The following FN1 variants were observed in gnomAD, a reference collection of about 807,000 sequenced individuals.
FN1 encodes fibronectin.
Under a neutral mutation model 297.3 loss-of-function variants are expected in FN1, and 106 were observed. The observed-to-expected ratio is 0.36, with a 90% CI of 0.30 to 0.42. The LOEUF is 0.42. Ranked by LOEUF, FN1 falls within the 10% of genes least tolerant of loss-of-function variation. The probability of loss-of-function intolerance (pLI) is 1.00; values close to 1 mark genes in which losing one functional copy is unlikely to be tolerated. For missense variants in FN1, 2,690 were observed against 3,124.9 expected (o/e 0.86, Z 3.32); for synonymous variants, 1,149 against 1,152.6 (o/e 1.00, Z 0.06).
In FN1 at chr2:215,386,826, G is replaced by A; in HGVS notation, c.4475C>T (p.Pro1492Leu). ...AGAGTGGGGCACCCGATCTTCTCGA[G>A]GTCTCCCACTGAAGTGCTCGGGATG... ...RHHPEHFSGR[P>L]REDRVPHSRN... The change falls in exon 28 of 46, where the codon CCT (proline) becomes CTT (leucine). Residue 1492 changes from proline to leucine, a missense_variant. Pro to Leu is a moderately conservative substitution (Grantham distance 98). Around this residue, in one of 3 missense-constraint regions of FN1, gnomAD observed 1,743 missense variants for 1,945.2 expected, o/e 0.90. Transcript: ENST00000354785. 1 of 1,614,002 alleles carries A rather than the reference G, an allele frequency of 6.2e-7. No homozygotes were observed. The highest frequency in any genetic ancestry group is 8.5e-7 in the Non-Finnish European group (1 of 1,179,988).
At chr2:215,425,471 C>T (rs2065163540) in intron 6 of FN1, among the ~76,000 whole-genome samples, 186 bp from the exon 7 acceptor site, 1 of 152,222 alleles carries the variant, frequency 6.6e-6, no homozygotes, top group Non-Finnish European at 1.5e-5. Flanking sequence ...AAATAATCCA[C>T]AAGTGTCTAC....
Position 215,397,155 on chromosome 2 carries a change from C to A in FN1, c.3586G>T (p.Glu1196Ter). 1.2e-6 allele frequency: 2 copies of A among 1,613,570 alleles called. No individual in the cohort carries two copies. Among genetic ancestry groups the A allele is most frequent in the Non-Finnish European group, 1.7e-6 (2 of 1,179,498 alleles). Residue 1196 changes from glutamate (E) to a stop codon, truncating the protein, a stop_gained, in exon 23 of 46, where the codon GAG becomes TAG. Coordinates refer to ENST00000354785, the MANE Select transcript of FN1 (RefSeq NM_212482.4). LOFTEE classifies it high-confidence loss of function. Reference protein sequence around the residue: ...PDTGVLTVSWERSTTPDITGY... With the variant: ...PDTGVLTVSW ...AACTTACCTGGGGTGGTGCTCCTCT[C>A]CCAGGAGACTGTGAGCACTCCAGTG... is the stretch of plus-strand genomic sequence containing the variant.
intron 11 of FN1, among the ~76,000 whole-genome samples, chr2:215,419,668 A>G (rs2063939644): frequency 6.6e-6 from 1 of 152,222 alleles, no homozygotes; most frequent in South Asian, 2.1e-4. Context: ...TTGATAATCT[A>G]CACATTAATT....
chr2:215,369,078 A>C (rs1366827946), intron 41 of FN1, among the ~76,000 whole-genome samples: 1 of 152,116 alleles, frequency 6.6e-6, no homozygotes, highest in African/African-American at 2.4e-5. Flanking sequence ...CCTGGTTAGA[A>C]TGTAGAATAC....
Position 215,372,095 on chromosome 2 carries a change from T to G in FN1, c.6528A>C (p.Gln2176His), listed in dbSNP as rs1261239648. ...PYPPNVGEEIQIGHIPREDVD... is the reference protein window; with the variant it reads ...PYPPNVGEEIHIGHIPREDVD... ...CATCTTCCCTGGGGATGTGACCAAT[T>G]TGGATTTCCTCACCTACATTCGGCG... Residue 2176 changes from glutamine to histidine, a missense_variant, in exon 40 of 46, where the codon CAA becomes CAC. Around this residue, in one of 3 missense-constraint regions of FN1, gnomAD observed 1,743 missense variants for 1,945.2 expected, o/e 0.90. Coordinates refer to ENST00000354785, the MANE Select transcript of FN1 (RefSeq NM_212482.4). 1.1e-5 allele frequency: 17 copies of G among 1,614,186 alleles called. No homozygotes were observed. Among genetic ancestry groups the G allele is most frequent in the Non-Finnish European group, 1.4e-5 (17 of 1,180,026 alleles).
rs373693133 is a variant in FN1, at chr2:215,384,044, G to A, written c.4870C>T (p.Pro1624Ser). Reference protein sequence around the residue: ...GRGDSPASSKPISINYRTEID... With the variant: ...GRGDSPASSKSISINYRTEID... The stretch of plus-strand genomic sequence containing the variant: ...CCTGTTCGGTAATTAATGGAAATTG[G>A]CTTGCTGCTTGCGGGGCTGTCTCCA... The change falls in exon 30 of 46, where the codon CCA becomes TCA. Residue 1624 changes from proline (P) to serine (S), a missense_variant. By Grantham distance (74) the Pro-to-Ser change is moderately conservative. This residue lies in a region of FN1 where 1,743 missense variants were observed against 1,945.2 expected (regional missense o/e 0.90). Coordinates refer to ENST00000354785, the MANE Select transcript of FN1 (RefSeq NM_212482.4). The A allele has an allele frequency of 6.2e-7, 1 of 1,614,010 alleles. No individual in the cohort carries two copies. Among genetic ancestry groups the A allele is most frequent in the Non-Finnish European group, 8.5e-7 (1 of 1,180,026 alleles).
rs993058472 is a variant in FN1, at chr2:215,433,398, C to T, written c.341G>A (p.Arg114His). The change falls in exon 3 of 46, where the codon CGT becomes CAT. Residue 114 changes from arginine to histidine, a missense_variant. Coordinates refer to ENST00000354785, the MANE Select transcript of FN1 (RefSeq NM_212482.4). The stretch of plus-strand genomic sequence containing the variant: ...GTCCCAGATCATGGAGTCTTTAGGA[C>T]GCTCATAAGTGTCACCCACTCGGTA... ...NTYRVGDTYE[R>H]PKDSMIWDCT... 4 of 1,614,102 alleles carry T rather than the reference C, an allele frequency of 2.5e-6. No homozygotes were observed. Among genetic ancestry groups the T allele is most frequent in the African/African-American group, 1.3e-5 (1 of 75,024 alleles).
Position 215,416,919 on chromosome 2 carries a change from G to A in FN1, c.1820-1961C>T, listed in dbSNP as rs573075962. ...TTCGAGCACTGGTGTGAAATTCCAC[G>A]TTTTAAAATCTAGCCCTGTGGCATA... On this transcript the variant is annotated intron_variant, in intron 12 of 45. Transcript: ENST00000354785. Among the ~76,000 whole-genome samples the A allele has an allele frequency of 4.1e-4, 63 of 152,176 alleles. No individual in the cohort carries two copies. In the South Asian group the frequency reaches 0.013, roughly 31 times the overall value.
At chr2:215,402,812 T>A (rs928436610) in intron 20 of FN1, among the ~76,000 whole-genome samples, 7 of 152,224 alleles carry the variant, frequency 4.6e-5, no homozygotes, top group Admixed American at 1.3e-4. Flanking sequence ...ATATTTTATA[T>A]GAATGTATTA....
intron 21 of FN1, among the ~76,000 whole-genome samples, chr2:215,398,757 A>G (rs1182850299): frequency 6.6e-6 from 1 of 152,222 alleles, no homozygotes; most frequent in Admixed American, 6.5e-5. Context: ...ATGAATCCAG[A>G]TATCCACAGG....
At chr2:215,396,512 A>T (rs987438392) in intron 23 of FN1, among the ~76,000 whole-genome samples, 3 of 152,206 alleles carry the variant, frequency 2.0e-5, no homozygotes, top group Non-Finnish European at 2.9e-5. Context: ...CAGAATTTTC[A>T]GTTTGCATAG....
chr2:215,373,631 G>A (rs1214576166), intron 38 of FN1, among the ~76,000 whole-genome samples: 2 of 150,814 alleles, frequency 1.3e-5, no homozygotes, highest in Admixed American at 6.6e-5. Context: ...CATATCTGAC[G>A]CCTGAATAGA....
At chr2:215,371,514 A>G (rs558303796) in intron 40 of FN1, among the ~76,000 whole-genome samples, 4 of 151,968 alleles carry the variant, frequency 2.6e-5, no homozygotes, top group Non-Finnish European at 5.9e-5. Flanking sequence ...AGGAACCTCA[A>G]ATGTGTGAGA....
At chr2:215,426,249 C>T (rs1258121444) in intron 6 of FN1, among the ~76,000 whole-genome samples, 7 of 147,738 alleles carry the variant, frequency 4.7e-5, no homozygotes, top group African/African-American at 7.5e-5. Flanking sequence ...CCCGGGTTCA[C>T]GCCATTCTCC....
chr2:215,404,453 G>A lies in FN1; in HGVS notation c.3189C>T (p.Thr1063=), dbSNP rs78262627. 1.3e-3 allele frequency: 2,040 copies of A among 1,614,008 alleles called. 14 individuals are homozygous for A. In the African/African-American group the frequency reaches 0.023, roughly 18 times the overall value. Residue 1063 remains threonine (T), a synonymous_variant, in exon 20 of 46, where the codon ACC becomes ACT. Transcript: ENST00000354785. ...TGCCCTTTATGGCCACGAGGGATAC[G>A]GTGTACTCAGATGCAGGCTGCAGAT... is the stretch of plus-strand genomic sequence containing the variant. The part of the protein sequence containing the change: ...LRNLQPASEY[T]VSLVAIKGNQ...
At chr2:215,432,253 A>G (rs1335152607) in intron 3 of FN1, among the ~76,000 whole-genome samples, 2 of 152,172 alleles carry the variant, frequency 1.3e-5, no homozygotes, top group Non-Finnish European at 2.9e-5. Flanking sequence ...CTAAGCAGAA[A>G]AGAAAGGCTG....
intron 13 of FN1, among the ~76,000 whole-genome samples, chr2:215,413,145 C>T (rs533841738): frequency 6.6e-5 from 10 of 152,070 alleles, no homozygotes; most frequent in African/African-American, 1.2e-4. Flanking sequence ...AACAGAATCT[C>T]GCTCTGTTGC....
chr2:215,377,121 C>T (rs546878762), intron 35 of FN1, among the ~76,000 whole-genome samples: 8 of 150,068 alleles, frequency 5.3e-5, no homozygotes, highest in Non-Finnish European at 1.2e-4. Flanking sequence ...TCTAATATTA[C>T]GGCAAGTATT....
chr2:215,435,403 T>C (rs568190293), intron 1 of FN1, among the ~76,000 whole-genome samples: 3 of 152,232 alleles, frequency 2.0e-5, no homozygotes, highest in Non-Finnish European at 4.4e-5. Flanking sequence ...AAGGACAATC[T>C]GAACGTGCAG....
Sources: gnomAD v4.1 joint callset for allele counts (sites outside exome capture counted in the v4.1 genomes callset) on GRCh38, gnomAD v4.1.1 for gene constraint, gnomAD v4.1.1 regional missense constraint, MANE v1.5 for transcripts, NCBI Gene and HGNC (gene_info 2026-07-23, HGNC 2026-07-21) for gene names.